The following EFHB variants were observed in gnomAD, a reference collection of about 807,000 sequenced individuals.
The protein encoded by EFHB is EF-hand domain-containing family member B.
Under a neutral mutation model 87.2 loss-of-function variants are expected in EFHB, and 91 were observed. The ratio of observed to expected loss-of-function variants is 1.04; its 90% CI spans 0.88 to 1.24. EFHB has a LOEUF of 1.24. Among genes scored for constraint, EFHB ranks in the 50% most tolerant of loss-of-function variants. The probability of loss-of-function intolerance (pLI) is 0.00; values close to 1 mark genes in which losing one functional copy is unlikely to be tolerated. For missense variants in EFHB, 1,084 were observed against 998.8 expected, an observed-to-expected ratio of 1.09 and a Z score of -1.15; for synonymous variants, 325 against 333.6, an observed-to-expected ratio of 0.97 and a Z score of 0.28.
At chr3:19,931,257 A>T (rs1000236300) in intron 1 of EFHB, among the ~76,000 whole-genome samples, 2 of 152,212 alleles carry the variant, frequency 1.3e-5, no homozygotes, top group Non-Finnish European at 2.9e-5. Flanking sequence ...ATCAGAGATG[A>T]TTTAACACTG....
At chr3:19,918,508 G>C in intron 3 of EFHB, 96 bp from the exon 4 acceptor site, 1 of 1,139,288 alleles carries the variant, frequency 8.8e-7, no homozygotes, top group Non-Finnish European at 1.2e-6. Flanking sequence ...GAGACTGTAC[G>C]ATTGTGGGAA....
rs1370068951 is a variant in EFHB, at chr3:19,920,649, C to T, written c.790-82G>A. 175 of 1,140,054 alleles carry T rather than the reference C, an allele frequency of 1.5e-4. No homozygotes were observed. The East Asian group carries it at 4.4e-3, about 29-fold the overall frequency. 70.6% of individuals were successfully genotyped at this position (1,140,054 alleles called of 1,614,324 possible). A position where few individuals can be genotyped will look rare whatever the true frequency, so the allele number is the denominator to read the frequency against. On this transcript the variant is annotated intron_variant, in intron 1 of 12. Coordinates refer to ENST00000295824, the MANE Select transcript of EFHB (RefSeq NM_144715.4). ...GAATGAAATTTATTTCAAACTTGTC[C>T]TATGCCTCTGAGGCTACAAAGTTAC... is the stretch of plus-strand genomic sequence containing the variant.
intron 1 of EFHB, among the ~76,000 whole-genome samples, chr3:19,923,481 T>A (rs1553634263): frequency 6.6e-6 from 1 of 152,132 alleles, no homozygotes; most frequent in African/African-American, 2.4e-5. Context: ...TCTACCATCC[T>A]CCCACCTCAG....
intron 1 of EFHB, 71 bp downstream of exon 1, chr3:19,933,159 T>A: frequency 6.8e-7 from 1 of 1,462,986 alleles, no homozygotes; most frequent in Non-Finnish European, 9.1e-7. Context: ...ACAAATTTTA[T>A]CACTTTATCA....
chr3:19,884,357 G>A (rs774923449), intron 11 of EFHB, 46 bp downstream of exon 11: 2 of 1,542,524 alleles, frequency 1.3e-6, no homozygotes, highest in South Asian at 1.2e-5. Context: ...GACAGACAGA[G>A]GACAGTTTGT....
At chr3:19,902,322 TATAG>T (rs139670131) in intron 6 of EFHB, among the ~76,000 whole-genome samples, 49 of 152,202 alleles carry the variant, frequency 3.2e-4, no homozygotes, top group African/African-American at 1.1e-3. Flanking sequence ...ACAGGCAAAA[TATAG>T]ATAGAGATCG....
intron 6 of EFHB, among the ~76,000 whole-genome samples, chr3:19,900,837 G>A (rs1042662073): frequency 4.6e-5 from 7 of 151,428 alleles, no homozygotes; most frequent in Admixed American, 4.6e-4. Context: ...GCTGAGGCAG[G>A]ACAGTCACTT....
At position 19,915,364 on chromosome 3, in the gene EFHB, T is replaced by C; in HGVS notation, c.1227A>G (p.Val409=). Residue 409 remains valine (V), a synonymous_variant, in exon 5 of 13, where the codon GTA becomes GTG. Coordinates refer to ENST00000295824, the MANE Select transcript of EFHB (RefSeq NM_144715.4). The part of the protein sequence containing the change: ...VVNPPKSYEE[V]FKEGNEGHDL... ...CATGTCCTTCATTTCCTTCTTTAAA[T>C]ACTTCTTCATAGGATTTTGGTGGAT... 1 of 1,613,356 alleles carries C rather than the reference T, an allele frequency of 6.2e-7. No homozygotes were observed. The highest frequency in any genetic ancestry group is 8.5e-7 in the Non-Finnish European group (1 of 1,179,514).
chr3:19,918,540 G>T, intron 3 of EFHB, 128 bp from the exon 4 acceptor site: 3 of 896,036 alleles, frequency 3.3e-6, no homozygotes, highest in Non-Finnish European at 4.7e-6. Context: ...ATCATTATTG[G>T]CTTTGCTCAC....
intron 1 of EFHB, among the ~76,000 whole-genome samples, chr3:19,926,486 C>T (rs1209177462): frequency 3.9e-5 from 6 of 152,094 alleles, no homozygotes; most frequent in Non-Finnish European, 7.4e-5. Context: ...GCCTCAGCCT[C>T]CCGAGTAGCT....
intron 9 of EFHB, among the ~76,000 whole-genome samples, chr3:19,894,086 T>C (rs975569354): frequency 3.3e-5 from 5 of 152,236 alleles, no homozygotes; most frequent in African/African-American, 9.6e-5. Context: ...ACATAGTCTA[T>C]GATAGCTAGG....
chr3:19,935,112 T>C (rs1034904523), upstream of EFHB, among the ~76,000 whole-genome samples: 143 of 152,286 alleles, frequency 9.4e-4, no homozygotes, highest in African/African-American at 3.2e-3. Flanking sequence ...GGTTTCACCA[T>C]GTTGGCCAGG....
At chr3:19,912,084 T>A (rs1450798213) in intron 5 of EFHB, among the ~76,000 whole-genome samples, 2 of 152,048 alleles carry the variant, frequency 1.3e-5, no homozygotes, top group African/African-American at 2.4e-5. Flanking sequence ...GATATCAATA[T>A]CCAAGTACAA....
chr3:19,923,790 A>C (rs946674080), intron 1 of EFHB, among the ~76,000 whole-genome samples: 1 of 152,260 alleles, frequency 6.6e-6, no homozygotes, highest in Middle Eastern at 3.2e-3. Context: ...TAAACAAAAG[A>C]GATTACCTGA....
At chr3:19,917,231 A>C (rs1486679972) in intron 4 of EFHB, among the ~76,000 whole-genome samples, 1 of 149,522 alleles carries the variant, frequency 6.7e-6, no homozygotes, top group East Asian at 1.9e-4. Context: ...TATATAGTTT[A>C]TAAATATAAA....
chr3:19,943,252 T>C (rs751956166), intron 1 of EFHB: 23 of 265,176 alleles, frequency 8.7e-5, no homozygotes, highest in Non-Finnish European at 1.4e-4. Context: ...TTTTACATGC[T>C]GGAAAACACC....
intron 8 of EFHB, among the ~76,000 whole-genome samples, chr3:19,898,471 A>T (rs1694558778): frequency 6.6e-6 from 1 of 152,236 alleles, no homozygotes; most frequent in South Asian, 2.1e-4. Flanking sequence ...TTAATTAAAA[A>T]GCTGCCCCAC....
At chr3:19,941,772 G>C (rs1017906964) in intron 1 of EFHB, among the ~76,000 whole-genome samples, 1 of 150,880 alleles carries the variant, frequency 6.6e-6, no homozygotes, top group Non-Finnish European at 1.5e-5. Context: ...CACAAGAATC[G>C]CTTGAACCCG....
At chr3:19,943,587 TA>T (rs1293638446) in intron 1 of EFHB, among the ~76,000 whole-genome samples, 2 of 152,178 alleles carry the variant, frequency 1.3e-5, no homozygotes, top group Middle Eastern at 3.4e-3. Context: ...TAATACAAAT[TA>T]AAAAAATACA....
Sources: allele counts gnomAD v4.1 joint callset (sites outside exome capture counted in the v4.1 genomes callset), GRCh38; gene constraint gnomAD v4.1.1; transcripts MANE v1.5; gene names NCBI Gene and HGNC (gene_info 2026-07-23, HGNC 2026-07-21).